PPP2R5D: variants seen among roughly 807,000 people sequenced by gnomAD.
PPP2R5D encodes serine/threonine-protein phosphatase 2A 56 kDa regulatory subunit delta isoform.
In PPP2R5D, 12 loss-of-function variants were observed where a neutral mutation model predicts 79.1. The ratio of observed to expected loss-of-function variants is 0.15; its 90% CI spans 0.10 to 0.25. The LOEUF is 0.25. Ranked by LOEUF, PPP2R5D falls within the 10% of genes least tolerant of loss-of-function variation. The probability of loss-of-function intolerance (pLI) is 1.00; values close to 1 mark genes in which losing one functional copy is unlikely to be tolerated. For missense variants in PPP2R5D, 419 were observed against 760.2 expected, an observed-to-expected ratio of 0.55 and a Z score of 5.28; for synonymous variants, 277 against 286.6, an observed-to-expected ratio of 0.97 and a Z score of 0.34.
In PPP2R5D at chr6:43,007,536, C is replaced by G. The variant is rs1762152562; in HGVS notation, c.726+30C>G. ...GTCCCCGAGTTCCTGTCCTTGCCCT[C>G]TCTTTCCATTCCATGCCCCCTTCAT... On this transcript the variant is annotated intron_variant, in intron 6 of 15. Transcript: ENST00000485511. The surrounding 1 kb of genome is among the most constrained non-coding windows in gnomAD (Gnocchi z 4.5). 1.3e-6 allele frequency: 2 copies of G among 1,544,912 alleles called. No homozygotes were observed. The highest frequency in any genetic ancestry group is 1.8e-6 in the Non-Finnish European group (2 of 1,117,288).
At chr6:42,989,514 G>A in intron 1 of PPP2R5D, 97 bp from the exon 2 acceptor site, 4 of 1,035,014 alleles carry the variant, frequency 3.9e-6, no homozygotes, top group Non-Finnish European at 5.8e-6. Context: ...TGATTCAACT[G>A]GACAGAGGAT....
In PPP2R5D at chr6:43,012,070, A is replaced by T; in HGVS notation, c.*784A>T. On this transcript the variant is annotated 3_prime_UTR_variant, in exon 16 of 16. Coordinates refer to ENST00000485511, the MANE Select transcript of PPP2R5D (RefSeq NM_006245.4). ...TTCCCAAAACTAGAAAGAAGGAAGC[A>T]GGGAGCGGTGCCCCAAGCATGGCTC... 2.5e-6 allele frequency: 1 copy of T among 394,472 alleles called. No individual in the cohort carries two copies. Among genetic ancestry groups the T allele is most frequent in the Non-Finnish European group, 3.5e-6 (1 of 288,326 alleles). 24.4% of individuals were successfully genotyped at this position (394,472 alleles called of 1,614,324 possible).
Position 43,007,533 on chromosome 6 carries a change from C to T in PPP2R5D, c.726+27C>T. On this transcript the variant is annotated intron_variant, in intron 6 of 15. Transcript: ENST00000485511. The surrounding 1 kb of genome is among the most constrained non-coding windows in gnomAD (Gnocchi z 4.5). ...TGAGTCCCCGAGTTCCTGTCCTTGC[C>T]CTCTCTTTCCATTCCATGCCCCCTT... is the stretch of plus-strand genomic sequence containing the variant. The T allele has an allele frequency of 6.4e-7, 1 of 1,551,872 alleles. No homozygotes were observed. Among genetic ancestry groups the T allele is most frequent in the Non-Finnish European group, 8.9e-7 (1 of 1,123,464 alleles).
chr6:43,006,689 A>G lies in PPP2R5D; in HGVS notation c.322+10A>G. ...CTTCCTGCCCTGAAAGGTACTTGGCAATTGGTCACAGGGGCTGTTTTACCA... is the reference window on the plus strand; with the variant it reads ...CTTCCTGCCCTGAAAGGTACTTGGCGATTGGTCACAGGGGCTGTTTTACCA... On this transcript the variant is annotated intron_variant, in intron 3 of 15. Coordinates refer to ENST00000485511, the MANE Select transcript of PPP2R5D (RefSeq NM_006245.4). The surrounding 1 kb of genome is among the most constrained non-coding windows in gnomAD (Gnocchi z 4.7). The G allele has an allele frequency of 2.5e-6, 4 of 1,612,176 alleles. No individual in the cohort carries two copies. The highest frequency in any genetic ancestry group is 1.7e-6 in the Non-Finnish European group (2 of 1,178,744).
chr6:42,986,677 G>A (rs1770880134), intron 1 of PPP2R5D, among the ~76,000 whole-genome samples: 1 of 152,022 alleles, frequency 6.6e-6, no homozygotes, highest in South Asian at 2.1e-4. Context: ...CAGGGGCTAA[G>A]GGAAATGGAA....
chr6:42,995,118 TTTTC>T (rs1362692794), intron 2 of PPP2R5D, among the ~76,000 whole-genome samples: 28 of 144,670 alleles, frequency 1.9e-4, no homozygotes, highest in Non-Finnish European at 3.7e-4. Context: ...CCACCGAACT[TTTTC>T]TTTCTTTTTT....
At position 42,984,791 on chromosome 6, in the gene PPP2R5D, AGACT is replaced by A. The variant is rs1770702430; in HGVS notation, c.27+91_27+94del. The A allele has an allele frequency of 5.1e-6, 8 of 1,573,668 alleles. No homozygotes were observed. In the East Asian group the frequency reaches 1.6e-4, roughly 32 times the overall value. On this transcript the variant is annotated intron_variant, in intron 1 of 15. Coordinates refer to ENST00000485511, the MANE Select transcript of PPP2R5D (RefSeq NM_006245.4). ...CCGGAGCCAGGCCCGGGACAGCCCC[AGACT>A]GACCCTCCCGTCCAGCCCCCGCAGG...
At chr6:42,996,322 G>C (rs1423282702) in intron 2 of PPP2R5D, among the ~76,000 whole-genome samples, 1 of 151,132 alleles carries the variant, frequency 6.6e-6, no homozygotes, top group African/African-American at 2.4e-5. Context: ...AAAATTAGCC[G>C]GGCGTGGTGG....
Position 43,003,895 on chromosome 6 carries a change from C to T in PPP2R5D, c.106-2568C>T, listed in dbSNP as rs141850279. Among the ~76,000 whole-genome samples the T allele has an allele frequency of 6.3e-3, 903 of 144,366 alleles. 7 individuals carry two copies. Among genetic ancestry groups the T allele is most frequent in the African/African-American group, 0.022 (836 of 38,434 alleles). 94.7% of individuals were successfully genotyped at this position (144,366 alleles called of 152,430 possible). A position where few individuals can be genotyped will look rare whatever the true frequency, so the allele number is the denominator to read the frequency against. The stretch of plus-strand genomic sequence containing the variant: ...GACTACAGGCACCCACCACCACGCC[C>T]GACTAATTTTTTGTATTTTTAGTAG... On this transcript the variant is annotated intron_variant, in intron 2 of 15. Coordinates refer to ENST00000485511, the MANE Select transcript of PPP2R5D (RefSeq NM_006245.4).
Position 42,984,604 on chromosome 6 carries a change from G to C in PPP2R5D, c.-74G>C, listed in dbSNP as rs932873885. The C allele has an allele frequency of 4.0e-6, 6 of 1,518,042 alleles. No homozygotes were observed. The highest frequency in any genetic ancestry group is 2.5e-5 in the South Asian group (2 of 81,116). 94.0% of individuals were successfully genotyped at this position (1,518,042 alleles called of 1,614,324 possible). Reference sequence around the variant, plus strand: ...AGGCGGTGGCGAAGAGACGCCGAGCGGGCCGAGTGCGGCCGAGCAAAGCCG... The same window carrying C: ...AGGCGGTGGCGAAGAGACGCCGAGCCGGCCGAGTGCGGCCGAGCAAAGCCG... On this transcript the variant is annotated 5_prime_UTR_variant, in exon 1 of 16. Transcript: ENST00000485511.
chr6:43,005,619 T>C (rs937852451), intron 2 of PPP2R5D, among the ~76,000 whole-genome samples: 1 of 151,714 alleles, frequency 6.6e-6, no homozygotes, highest in African/African-American at 2.4e-5. Flanking sequence ...CTTTTACCTT[T>C]TGTTTTGTTT....
intron 2 of PPP2R5D, among the ~76,000 whole-genome samples, chr6:42,999,201 C>T (rs1214999392): frequency 1.3e-5 from 2 of 152,190 alleles, no homozygotes; most frequent in Non-Finnish European, 2.9e-5. Flanking sequence ...CAGGTGAATG[C>T]ACAAGTTAGT....
chr6:43,007,485 C>T lies in PPP2R5D; in HGVS notation c.705C>T (p.Ile235=), dbSNP rs1762148887. 6 of 1,612,184 alleles carry T rather than the reference C, an allele frequency of 3.7e-6. No individual in the cohort carries two copies. The highest frequency in any genetic ancestry group is 4.2e-6 in the Non-Finnish European group (5 of 1,178,368). The change falls in exon 6 of 16, where the codon ATC becomes ATT. Residue 235 remains isoleucine, a synonymous_variant. Transcript: ENST00000485511. This position sits in a 1 kb window ranked among gnomAD's most constrained non-coding sequence, Gnocchi z 4.5. ...DFQPNIAKKY[I]DQKFVLALLD... ...AGCCAAACATAGCCAAGAAGTACAT[C>T]GACCAGAAGTTTGTACTTGCTGTGA... is the stretch of plus-strand genomic sequence containing the variant.
intron 15 of PPP2R5D, 64 bp from the exon 16 acceptor site, chr6:43,011,085 A>G (rs1762330099): frequency 6.2e-7 from 1 of 1,611,760 alleles, no homozygotes; most frequent in African/African-American, 1.3e-5. Flanking sequence ...GAATAAGGGG[A>G]CGGAACAATA....
chr6:43,010,644 A>G lies in PPP2R5D; in HGVS notation c.1482-20A>G, dbSNP rs1289198604. ...TGTGTTTCTCTCAAGCCCAACCCCA[A>G]TCCTACTTTTGCTCCTCAGGGGCCG... On this transcript the variant is annotated intron_variant, in intron 13 of 15. Coordinates refer to ENST00000485511, the MANE Select transcript of PPP2R5D (RefSeq NM_006245.4). The surrounding 1 kb of genome is among the most constrained non-coding windows in gnomAD (Gnocchi z 4.7). 3 of 1,613,740 alleles carry G rather than the reference A, an allele frequency of 1.9e-6. No homozygotes were observed. The highest frequency in any genetic ancestry group is 1.3e-5 in the African/African-American group (1 of 74,952).
chr6:42,996,073 T>G (rs1187898407), intron 2 of PPP2R5D, among the ~76,000 whole-genome samples: 6 of 145,472 alleles, frequency 4.1e-5, no homozygotes, highest in African/African-American at 1.5e-4. Context: ...CTCGATCACT[T>G]GACCTCGTGA....
At chr6:42,985,135 CCTCTT>C (rs1480850397) in intron 1 of PPP2R5D, among the ~76,000 whole-genome samples, 1 of 151,882 alleles carries the variant, frequency 6.6e-6, no homozygotes, top group African/African-American at 2.4e-5. Context: ...CCCCTTGTCT[CCTCTT>C]CCTACCCGCC....
At chr6:42,986,235 T>C (rs534569271) in intron 1 of PPP2R5D, among the ~76,000 whole-genome samples, 1 of 152,284 alleles carries the variant, frequency 6.6e-6, no homozygotes, top group African/African-American at 2.4e-5. Flanking sequence ...GACTCACACA[T>C]AGGATGCTAG....
rs1398844735 is a variant in PPP2R5D at position 43,008,819 on chromosome 6, G to A, written c.1080+73G>A. ...ACTTGCCAGTCTGTACCTACTGGGG[G>A]TGCCATAAGGGGGAACTCAGGAGGG... is the stretch of plus-strand genomic sequence containing the variant. On this transcript the variant is annotated intron_variant, in intron 10 of 15. Transcript: ENST00000485511. The surrounding 1 kb of genome is among the most constrained non-coding windows in gnomAD (Gnocchi z 4.2). 21 of 1,518,610 alleles carry A rather than the reference G, an allele frequency of 1.4e-5. No homozygotes were observed. The highest frequency in any genetic ancestry group is 1.1e-5 in the South Asian group (1 of 87,108). 94.1% of individuals were successfully genotyped at this position (1,518,610 alleles called of 1,614,324 possible). A position where few individuals can be genotyped will look rare whatever the true frequency, so the allele number is the denominator to read the frequency against.
Sources: gnomAD v4.1 joint callset for allele counts (sites outside exome capture counted in the v4.1 genomes callset) on GRCh38, gnomAD v4.1.1 for gene constraint, Gnocchi (gnomAD v3.1) non-coding constraint, MANE v1.5 for transcripts, NCBI Gene and HGNC (gene_info 2026-07-23, HGNC 2026-07-21) for gene names.